Variants in STAT3 observed in about 807,000 individuals in gnomAD.
STAT3 encodes DNA-binding protein APRF.
In STAT3, 7 loss-of-function variants were observed where a neutral mutation model predicts 114.3. The observed-to-expected ratio is 0.06, with a 90% CI of 0.03 to 0.11. STAT3 has a LOEUF of 0.11. Among genes scored for constraint, STAT3 ranks in the 10% least tolerant of loss-of-function variants. The pLI is 1.00. For synonymous variants in STAT3, 331 were observed against 354.5 expected (o/e 0.93, Z 0.74); for missense variants, 364 against 960.9 (o/e 0.38, Z 8.21).
intron 11 of STAT3, among the ~76,000 whole-genome samples, chr17:42,330,324 C>G (rs545241875): frequency 6.6e-6 from 1 of 151,848 alleles, no homozygotes; most frequent in East Asian, 1.9e-4. Flanking sequence ...CCATGTTGGT[C>G]GGGCTGGTTT....
In STAT3 at chr17:42,346,549, T is replaced by A; in HGVS notation, c.273+20A>T. 1 of 1,614,078 alleles carries A rather than the reference T, an allele frequency of 6.2e-7. No homozygotes were observed. The highest frequency in any genetic ancestry group is 8.5e-7 in the Non-Finnish European group (1 of 1,179,990). On this transcript the variant is annotated intron_variant, in intron 3 of 23. Coordinates refer to ENST00000264657, the MANE Select transcript of STAT3 (RefSeq NM_139276.3). ...ACTCTGCGGGTCCTGTTTCTCCTTG[T>A]CCTCAGTTTCTCATCATACCTGAAG...
chr17:42,376,143 T>C (rs1454568120), intron 1 of STAT3, among the ~76,000 whole-genome samples: 1 of 58,250 alleles, frequency 1.7e-5, no homozygotes, highest in African/African-American at 4.2e-5. Context: ...AGAGTGAGAC[T>C]CCGTCTCAAA....
chr17:42,334,438 CCT>C (rs2082145656), intron 8 of STAT3, among the ~76,000 whole-genome samples: 2 of 116,440 alleles, frequency 1.7e-5, no homozygotes, highest in African/African-American at 6.5e-5. Context: ...CTGCGCCTGG[CCT>C]TTTTTTTTTT....
chr17:42,331,004 G>A (rs2081990095), intron 11 of STAT3, among the ~76,000 whole-genome samples: 1 of 152,194 alleles, frequency 6.6e-6, no homozygotes, highest in Non-Finnish European at 1.5e-5. Context: ...ATTCAGCACA[G>A]TAACATACTG....
At chr17:42,364,706 C>T (rs2083686654) in intron 1 of STAT3, among the ~76,000 whole-genome samples, 1 of 152,196 alleles carries the variant, frequency 6.6e-6, no homozygotes, top group African/African-American at 2.4e-5. Context: ...TGGTCTCAAA[C>T]TCCTGACCTC....
intron 14 of STAT3, among the ~76,000 whole-genome samples, chr17:42,327,269 G>C (rs1184621595): frequency 1.3e-5 from 2 of 150,554 alleles, no homozygotes; most frequent in Non-Finnish European, 3.0e-5. Flanking sequence ...AGCCCTTTTT[G>C]TCTTGTTTTG....
At chr17:42,384,792 G>C (rs1238353830) in intron 1 of STAT3, among the ~76,000 whole-genome samples, 1 of 151,930 alleles carries the variant, frequency 6.6e-6, no homozygotes, top group Non-Finnish European at 1.5e-5. Context: ...CTGGGCTCAA[G>C]CAATCCTCCT....
At chr17:42,362,587 AC>A (rs1428570622) in intron 1 of STAT3, among the ~76,000 whole-genome samples, 1 of 152,224 alleles carries the variant, frequency 6.6e-6, no homozygotes. Flanking sequence ...TCCTGGTTCC[AC>A]CACTTCGATC....
In STAT3 at chr17:42,339,409, G is replaced by C. The variant is rs574370336; in HGVS notation, c.373C>G (p.Gln125Glu). ...GTGGGGTGGTTGGCCTGGCCCCCTT[G>C]CTGCCAAAAAGGAGGTCAATGCACA... ...LLQTAATAAQQGGQANHPTAA... is the reference protein window; with the variant it reads ...LLQTAATAAQEGGQANHPTAA... The change falls in exon 5 of 24, where the codon CAA (glutamine) becomes GAA (glutamate). Residue 125 changes from glutamine (Q) to glutamate (E), a missense_variant and splice_region_variant. Around this residue, in one of 5 missense-constraint regions of STAT3, gnomAD observed 294 missense variants for 745.1 expected, o/e 0.39. Coordinates refer to ENST00000264657, the MANE Select transcript of STAT3 (RefSeq NM_139276.3). The C allele has an allele frequency of 1.5e-4, 243 of 1,613,978 alleles. 3 individuals are homozygous for C. The South Asian group carries it at 2.3e-3, about 15-fold the overall frequency.
intron 14 of STAT3, among the ~76,000 whole-genome samples, chr17:42,326,441 G>C (rs1208420684): frequency 6.6e-6 from 1 of 152,096 alleles, no homozygotes; most frequent in Non-Finnish European, 1.5e-5. Context: ...CTAGGAGATG[G>C]AGGCTGCAGC....
chr17:42,317,211 G>A lies in STAT3; in HGVS notation c.2115C>T (p.Tyr705=), dbSNP rs1448084739. The part of the protein sequence containing the change: ...PEADPGSAAP[Y]LKTKFICVTP... ...TCACACAGATAAACTTGGTCTTCAG[G>A]TATGGGGCAGCGCCTGGGAAGAAGA... is the stretch of plus-strand genomic sequence containing the variant. The change falls in exon 22 of 24, where the codon TAC becomes TAT. Residue 705 remains tyrosine, a synonymous_variant. Transcript: ENST00000264657. 3.7e-6 allele frequency: 6 copies of A among 1,613,898 alleles called. No individual in the cohort carries two copies. Among genetic ancestry groups the A allele is most frequent in the Admixed American group, 1.7e-5 (1 of 60,010 alleles).
intron 1 of STAT3, among the ~76,000 whole-genome samples, chr17:42,355,047 G>C (rs4103200): frequency 0.29 from 44,335 of 151,884 alleles, 6,750 homozygotes; most frequent in East Asian, 0.4. Context: ...CACAGGAGAT[G>C]ACTAGCCAAA....
intron 1 of STAT3, among the ~76,000 whole-genome samples, chr17:42,372,724 G>A (rs2084221406): frequency 6.6e-6 from 1 of 152,144 alleles, no homozygotes; most frequent in Admixed American, 6.6e-5. Flanking sequence ...GCTCACACCT[G>A]TAATTCCAAC....
intron 1 of STAT3, chr17:42,387,356 CCTGT>C (rs1156582911): frequency 6.6e-6 from 1 of 152,198 alleles, no homozygotes; most frequent in Non-Finnish European, 1.5e-5. Context: ...TCAAGGCCAG[CCTGT>C]CTTTGTTTCC....
chr17:42,359,076 C>T (rs2083380143), intron 1 of STAT3, among the ~76,000 whole-genome samples: 1 of 151,708 alleles, frequency 6.6e-6, no homozygotes, highest in Non-Finnish European at 1.5e-5. Context: ...GCTGGGACTC[C>T]AGGCGCCCGC....
At chr17:42,342,681 G>C (rs909303787) in intron 4 of STAT3, among the ~76,000 whole-genome samples, 1 of 152,148 alleles carries the variant, frequency 6.6e-6, no homozygotes, top group African/African-American at 2.4e-5. Flanking sequence ...GGAACAGAGA[G>C]AGTAAAAATT....
chr17:42,339,961 T>C (rs2082372340), intron 4 of STAT3, among the ~76,000 whole-genome samples: 1 of 151,988 alleles, frequency 6.6e-6, no homozygotes, highest in Non-Finnish European at 1.5e-5. Flanking sequence ...GGCCAGGAGT[T>C]CAAAACTAGC....
intron 1 of STAT3, among the ~76,000 whole-genome samples, chr17:42,360,460 C>T (rs545225822): frequency 5.9e-5 from 9 of 152,008 alleles, no homozygotes; most frequent in African/African-American, 2.2e-4. Flanking sequence ...GCCTGACCAA[C>T]ATGGAAAAAC....
Position 42,337,836 on chromosome 17 carries a change from T to C in STAT3, c.572A>G (p.Asn191Ser). 4.3e-6 allele frequency: 7 copies of C among 1,614,242 alleles called. No individual in the cohort carries two copies. The highest frequency in any genetic ancestry group is 5.9e-6 in the Non-Finnish European group (7 of 1,180,050). Residue 191 changes from asparagine (N) to serine (S), a missense_variant, in exon 7 of 24, where the codon AAC becomes AGC. Transcript: ENST00000264657. The surrounding 1 kb of genome is among the most constrained non-coding windows in gnomAD (Gnocchi z 4.0). The part of the protein sequence containing the change: ...SQGDMQDLNG[N>S]NQSVTRQKMQ... ...CTTCTGCCTGGTCACTGACTGGTTG[T>C]TTCCATTCAGATCTTGCATGTCTGC...
Sources: allele counts gnomAD v4.1 joint callset (sites outside exome capture counted in the v4.1 genomes callset), GRCh38; gene constraint gnomAD v4.1.1; regional missense constraint gnomAD v4.1.1; non-coding constraint Gnocchi (gnomAD v3.1); transcripts MANE v1.5; gene names NCBI Gene and HGNC (gene_info 2026-07-23, HGNC 2026-07-21).